The following ESRRG variants were observed in gnomAD, a reference collection of about 807,000 sequenced individuals.
ESRRG encodes the protein estrogen related receptor gamma, also known as estrogen-related receptor gamma.
ESRRG carries 13 observed loss-of-function variants against 44.0 expected under a neutral mutation model. The observed-to-expected ratio is 0.30, with a 90% CI of 0.19 to 0.47. ESRRG has a LOEUF of 0.47. Among genes scored for constraint, ESRRG ranks in the 20% least tolerant of loss-of-function variants. The pLI is 1.00. For synonymous variants in ESRRG, 215 were observed against 214.6 expected (o/e 1.00, Z -0.02); for missense variants, 395 against 580.6 (o/e 0.68, Z 3.29).
chr1:216,693,988 A>G (rs1476608126), intron 1 of ESRRG, among the ~76,000 whole-genome samples: 4 of 152,228 alleles, frequency 2.6e-5, no homozygotes, highest in Non-Finnish European at 4.4e-5. Context: ...GAAATAAAGC[A>G]TTAAGCATAG....
At chr1:216,796,832 GCTCAAAATGTC>G (rs2094481603) in intron 2 of ESRRG, among the ~76,000 whole-genome samples, 1 of 152,050 alleles carries the variant, frequency 6.6e-6, no homozygotes, top group Admixed American at 6.6e-5. Context: ...AGTCACCCAA[GCTCAAAATGTC>G]AGCATCACTT....
At chr1:216,541,336 T>C (rs1436635087) in intron 5 of ESRRG, among the ~76,000 whole-genome samples, 1 of 151,996 alleles carries the variant, frequency 6.6e-6, no homozygotes, top group Non-Finnish European at 1.5e-5. Context: ...TGCAACAAAA[T>C]GTATGAATGC....
intron 2 of ESRRG, among the ~76,000 whole-genome samples, chr1:216,874,574 T>A (rs2096316600): frequency 6.6e-6 from 1 of 152,212 alleles, no homozygotes; most frequent in African/African-American, 2.4e-5. Context: ...AACTTGACCT[T>A]AAAGGTAACC....
rs112897225 is a variant in ESRRG, at chr1:216,744,971, A to G, written c.-13-67480T>C. Among the ~76,000 whole-genome samples, 1,044 of 152,314 alleles carry G rather than the reference A, an allele frequency of 6.9e-3. 8 individuals are homozygous for G. The highest frequency in any genetic ancestry group is 0.012 in the Non-Finnish European group (839 of 68,034). On this transcript the variant is annotated intron_variant, in intron 2 of 7. Transcript: ENST00000359162. Reference sequence around the variant, plus strand: ...AGTTTGCAAACTATTTCGATAGAGTAGAAAACAGAGTCTAAAGTTCCTCAA... The same window carrying G: ...AGTTTGCAAACTATTTCGATAGAGTGGAAAACAGAGTCTAAAGTTCCTCAA...
At chr1:216,882,934 GA>G (rs139900331) in intron 2 of ESRRG, among the ~76,000 whole-genome samples, 2,863 of 141,880 alleles carry the variant, frequency 0.02, 43 homozygotes, top group Non-Finnish European at 0.031. Context: ...ATCATTGTCT[GA>G]AAAAAAAAAA....
chr1:216,518,377 A>C (rs994577157), intron 6 of ESRRG, among the ~76,000 whole-genome samples: 1 of 152,178 alleles, frequency 6.6e-6, no homozygotes, highest in Non-Finnish European at 1.5e-5. Flanking sequence ...GGGTCAAAAC[A>C]AAAGCAGATG....
intron 2 of ESRRG, among the ~76,000 whole-genome samples, chr1:216,792,839 G>A (rs1309119602): frequency 1.5e-5 from 2 of 132,794 alleles, no homozygotes; most frequent in Non-Finnish European, 3.3e-5. Context: ...GAGCCATGGA[G>A]GGGACTCATT....
intron 1 of ESRRG, among the ~76,000 whole-genome samples, chr1:217,026,912 C>CACAG (rs1255637839): frequency 2.2e-4 from 21 of 93,414 alleles, no homozygotes; most frequent in African/African-American, 7.3e-4. Context: ...CACACACACA[C>CACAG]AGAGAGAGAG....
chr1:216,815,865 C>G (rs2095119558), intron 2 of ESRRG, among the ~76,000 whole-genome samples: 1 of 152,168 alleles, frequency 6.6e-6, no homozygotes, highest in Non-Finnish European at 1.5e-5. Flanking sequence ...GAGTCAAGTT[C>G]ATCCAGGGGT....
chr1:217,027,491 T>G (rs989475580), intron 1 of ESRRG, among the ~76,000 whole-genome samples: 1 of 152,188 alleles, frequency 6.6e-6, no homozygotes, highest in Non-Finnish European at 1.5e-5. Context: ...TTCTTCATAA[T>G]GTTGTACACT....
intron 2 of ESRRG, among the ~76,000 whole-genome samples, chr1:216,731,222 T>C (rs17043567): frequency 0.16 from 24,131 of 152,204 alleles, 2,039 homozygotes; most frequent in East Asian, 0.3. Flanking sequence ...TACTTTTCAT[T>C]ATCTAAAGAT....
At chr1:216,512,109 T>A (rs12080785) in intron 6 of ESRRG, among the ~76,000 whole-genome samples, 30 of 152,134 alleles carry the variant, frequency 2.0e-4, no homozygotes, top group Non-Finnish European at 3.8e-4. Flanking sequence ...CAAATCACTG[T>A]TTTTCAGCCC....
chr1:216,826,984 G>A (rs1387138244), intron 2 of ESRRG, among the ~76,000 whole-genome samples: 2 of 152,100 alleles, frequency 1.3e-5, no homozygotes, highest in Non-Finnish European at 2.9e-5. Flanking sequence ...GGTGATCCCT[G>A]CTGTCCATCA....
At chr1:216,997,708 T>C (rs900697459) in intron 1 of ESRRG, among the ~76,000 whole-genome samples, 6 of 152,234 alleles carry the variant, frequency 3.9e-5, no homozygotes, top group African/African-American at 7.2e-5. Context: ...TGCTATTCTA[T>C]ACGGAAAAGC....
rs2576250 is a variant in ESRRG, at chr1:216,873,506, G to A, written c.-14+66076C>T. Among the ~76,000 whole-genome samples, 1,300 of 152,110 alleles carry A rather than the reference G, an allele frequency of 8.5e-3. 20 individuals carry two copies. Among genetic ancestry groups the A allele is most frequent in the African/African-American group, 0.03 (1,229 of 41,504 alleles). ...TGGGATTACAGGCATGAGCCACCGG[G>A]CCCGGCCAGGAGTTCATAAACATCT... On this transcript the variant is annotated intron_variant, in intron 2 of 7. Coordinates refer to the ESRRG transcript ENST00000359162.
chr1:216,520,042 T>G (rs1490810447), intron 5 of ESRRG, among the ~76,000 whole-genome samples: 1 of 152,088 alleles, frequency 6.6e-6, no homozygotes, highest in African/African-American at 2.4e-5. Flanking sequence ...ATAATAGGTA[T>G]AAAAGAAAGT....
chr1:217,077,372 A>G (rs1401374881), intron 1 of ESRRG, among the ~76,000 whole-genome samples: 1 of 152,200 alleles, frequency 6.6e-6, no homozygotes, highest in African/African-American at 2.4e-5. Flanking sequence ...TGGAGTTATG[A>G]AAGTGGACAA....
intron 3 of ESRRG, among the ~76,000 whole-genome samples, chr1:216,627,683 CA>C (rs796155367): frequency 1.1e-4 from 16 of 152,236 alleles, no homozygotes; most frequent in African/African-American, 3.6e-4. Context: ...GCATTAGGCT[CA>C]AAAACGGCTA....
intron 1 of ESRRG, among the ~76,000 whole-genome samples, chr1:217,131,895 T>C (rs1372747706): frequency 6.6e-6 from 1 of 152,210 alleles, no homozygotes; most frequent in Admixed American, 6.5e-5. Flanking sequence ...CTCAGCTCTT[T>C]GCCTTGAAAT....
Sources: allele counts gnomAD v4.1 joint callset (sites outside exome capture counted in the v4.1 genomes callset), GRCh38; gene constraint gnomAD v4.1.1; transcripts MANE v1.5; gene names NCBI Gene and HGNC (gene_info 2026-07-23, HGNC 2026-07-21).